Variants in ADAMTS3 observed in about 807,000 individuals in gnomAD.
The protein encoded by ADAMTS3 is ADAM metallopeptidase with thrombospondin type 1 motif 3, also known as A disintegrin and metalloproteinase with thrombospondin motifs 3.
In ADAMTS3, 73 loss-of-function variants were observed where a neutral mutation model predicts 129.0. The ratio of observed to expected loss-of-function variants is 0.57; its 90% CI spans 0.47 to 0.69. ADAMTS3 has a LOEUF of 0.69. Among genes scored for constraint, ADAMTS3 ranks in the 30% least tolerant of loss-of-function variants. The pLI, the probability that ADAMTS3 is intolerant of heterozygous loss-of-function variation, is 0.00. For missense variants in ADAMTS3, 1,457 were observed against 1,514.5 expected, an observed-to-expected ratio of 0.96 and a Z score of 0.63; for synonymous variants, 477 against 510.8, an observed-to-expected ratio of 0.93 and a Z score of 0.89.
chr4:72,552,127 C>T, intron 2 of ADAMTS3, among the ~76,000 whole-genome samples: 1 of 152,182 alleles, frequency 6.6e-6, no homozygotes, highest in East Asian at 1.9e-4. Flanking sequence ...ATAATTTTCA[C>T]ATTTTACAGG....
At chr4:72,517,672 C>T (rs1490953046) in intron 3 of ADAMTS3, among the ~76,000 whole-genome samples, 473 of 152,148 alleles carry the variant, frequency 3.1e-3, no homozygotes, top group African/African-American at 1.0e-2. Context: ...TCTGTGGGAT[C>T]GGTGGTGATA....
At chr4:72,403,836 A>C (rs2109912381) in intron 4 of ADAMTS3, among the ~76,000 whole-genome samples, 1 of 152,116 alleles carries the variant, frequency 6.6e-6, no homozygotes, top group East Asian at 1.9e-4. Flanking sequence ...CAACCACATA[A>C]ATATTAGAAC....
chr4:72,293,662 C>T (rs113045028), intron 19 of ADAMTS3, among the ~76,000 whole-genome samples: 1,526 of 152,152 alleles, frequency 0.01, 14 homozygotes, highest in African/African-American at 0.035. Context: ...CCACGAGCCA[C>T]GACTGTAAGG....
chr4:72,449,189 C>A (rs1369014876), intron 3 of ADAMTS3, among the ~76,000 whole-genome samples: 2 of 151,588 alleles, frequency 1.3e-5, no homozygotes, highest in African/African-American at 4.8e-5. Flanking sequence ...GTGTTCCCAC[C>A]GAGTCCCATG....
rs370665830 is a variant in ADAMTS3, at chr4:72,312,448, C to A, written c.1764G>T (p.Gln588His). ...ACTCAAAATTAACACCAGGACAATCCTGACCACCATTGATGGGCCTAAAGA... is the reference window on the plus strand; with the variant it reads ...ACTCAAAATTAACACCAGGACAATCATGACCACCATTGATGGGCCTAAAGA... ...CNNPMPINGG[Q>H]DCPGVNFEYQ... The change falls in exon 13 of 22, where the codon CAG becomes CAT. Residue 588 changes from glutamine to histidine, a missense_variant. Transcript: ENST00000286657. 64 of 1,613,458 alleles carry A rather than the reference C, an allele frequency of 4.0e-5. No homozygotes were observed. The African/African-American group carries it at 8.3e-4, about 21-fold the overall frequency.
Position 72,388,470 on chromosome 4 carries a change from C to G in ADAMTS3, c.661+26345G>C, listed in dbSNP as rs574796122. Among the ~76,000 whole-genome samples, 4 of 152,300 alleles carry G rather than the reference C, an allele frequency of 2.6e-5. No individual in the cohort carries two copies. In the South Asian group the frequency reaches 8.3e-4, roughly 32 times the overall value. ...GCCAACAAAGGGGCCACGTCACTAC[C>G]CCTGGTGCTGCTTTCTCAATGCATT... On this transcript the variant is annotated intron_variant, in intron 4 of 21. Transcript: ENST00000286657.
At chr4:72,536,705 A>G (rs961034161) in intron 3 of ADAMTS3, among the ~76,000 whole-genome samples, 2 of 152,136 alleles carry the variant, frequency 1.3e-5, no homozygotes, top group African/African-American at 4.8e-5. Flanking sequence ...AAGTTTGTCT[A>G]ATTCTAAAAC....
At position 72,520,821 on chromosome 4, in the gene ADAMTS3, C is replaced by T. The variant is rs116438753; in HGVS notation, c.504+27657G>A. Among the ~76,000 whole-genome samples, 996 of 152,144 alleles carry T rather than the reference C, an allele frequency of 6.5e-3. 17 individuals carry two copies. The highest frequency in any genetic ancestry group is 0.022 in the African/African-American group (932 of 41,516). On this transcript the variant is annotated intron_variant, in intron 3 of 21. Coordinates refer to ENST00000286657, the MANE Select transcript of ADAMTS3 (RefSeq NM_014243.3). ...AGTGAGGCAATGCCTCCCCTTGCTT[C>T]GGCTCGCGCATGATGTGCTGCACCC...
At chr4:72,473,749 C>G (rs1021712851) in intron 3 of ADAMTS3, among the ~76,000 whole-genome samples, 1 of 152,166 alleles carries the variant, frequency 6.6e-6, no homozygotes, top group Non-Finnish European at 1.5e-5. Flanking sequence ...TGTGTACTAT[C>G]AGTGGGACCA....
chr4:72,283,576 G>T lies in ADAMTS3; in HGVS notation c.3178C>A (p.Pro1060Thr), dbSNP rs373312891. ...GTTTCAGCAGCTTCTAGAAGGTATG[G>T]TGGTGGCAGGGTGCTACTGCGCTTG... ...CSKRSSTLPPPYLLEAAETHD... is the reference protein window; with the variant it reads ...CSKRSSTLPPTYLLEAAETHD... The change falls in exon 22 of 22, where the codon CCA (proline) becomes ACA (threonine). Residue 1060 changes from proline to threonine, a missense_variant. Pro to Thr is a conservative substitution (Grantham distance 38). Transcript: ENST00000286657. 14 of 1,614,024 alleles carry T rather than the reference G, an allele frequency of 8.7e-6. No homozygotes were observed. The highest frequency in any genetic ancestry group is 1.2e-5 in the Non-Finnish European group (14 of 1,179,962).
chr4:72,304,430 C>G, intron 16 of ADAMTS3, among the ~76,000 whole-genome samples: 1 of 152,082 alleles, frequency 6.6e-6, no homozygotes, highest in East Asian at 1.9e-4. Context: ...AAAATGATAG[C>G]TACCTTTTCA....
At chr4:72,544,456 C>G (rs1463162734) in intron 3 of ADAMTS3, among the ~76,000 whole-genome samples, 8 of 152,146 alleles carry the variant, frequency 5.3e-5, no homozygotes. Flanking sequence ...CCACAGCAAT[C>G]AGTGCAACAA....
intron 3 of ADAMTS3, among the ~76,000 whole-genome samples, chr4:72,529,962 ATTATAT>A (rs1449433389): frequency 2.2e-3 from 7 of 3,196 alleles, no homozygotes; most frequent in African/African-American, 2.7e-3. Context: ...TATATAATAT[ATTATAT>A]TTATATATAA....
At chr4:72,428,376 TTAAGA>T (rs1221769121) in intron 3 of ADAMTS3, among the ~76,000 whole-genome samples, 1 of 152,090 alleles carries the variant, frequency 6.6e-6, no homozygotes, top group East Asian at 1.9e-4. Flanking sequence ...GCTTTTCATG[TTAAGA>T]TATTTTACCT....
intron 3 of ADAMTS3, among the ~76,000 whole-genome samples, chr4:72,478,140 T>C (rs1342764301): frequency 6.6e-6 from 1 of 152,210 alleles, no homozygotes; most frequent in Admixed American, 6.5e-5. Flanking sequence ...CCATTCTTTC[T>C]GAAACTATTC....
rs774461816 is a variant in ADAMTS3 at position 72,316,018 on chromosome 4, A to G, written c.1486-47T>C. The G allele has an allele frequency of 4.3e-6, 5 of 1,172,316 alleles. No individual in the cohort carries two copies. The South Asian group carries it at 5.3e-5, about 13-fold the overall frequency. 72.6% of individuals were successfully genotyped at this position (1,172,316 alleles called of 1,614,324 possible). A position where few individuals can be genotyped will look rare whatever the true frequency, so the allele number is the denominator to read the frequency against. ...TGTCAGTGAACTCTCAGCTAGCATG[A>G]CATGCACCAAAAATATATTCTATAC... On this transcript the variant is annotated intron_variant, in intron 10 of 21. Transcript: ENST00000286657.
At chr4:72,366,008 T>C (rs1720860152) in intron 4 of ADAMTS3, among the ~76,000 whole-genome samples, 1 of 152,240 alleles carries the variant, frequency 6.6e-6, no homozygotes, top group African/African-American at 2.4e-5. Flanking sequence ...ACTGGGTCCA[T>C]GAAATTGCTG....
chr4:72,511,476 A>G (rs1223586601), intron 3 of ADAMTS3, among the ~76,000 whole-genome samples: 1 of 152,248 alleles, frequency 6.6e-6, no homozygotes, highest in African/African-American at 2.4e-5. Flanking sequence ...ACATTTCTCA[A>G]AAGAAGACAG....
chr4:72,294,599 A>G (rs749372972), intron 19 of ADAMTS3, among the ~76,000 whole-genome samples: 3 of 152,078 alleles, frequency 2.0e-5, no homozygotes, highest in Non-Finnish European at 2.9e-5. Context: ...AAAAAACTCT[A>G]TAAGTACACA....
Sources: gnomAD v4.1 joint callset for allele counts (sites outside exome capture counted in the v4.1 genomes callset) on GRCh38, gnomAD v4.1.1 for gene constraint, MANE v1.5 for transcripts, NCBI Gene and HGNC (gene_info 2026-07-23, HGNC 2026-07-21) for gene names.